ADH6: variants seen among roughly 807,000 people sequenced by gnomAD.
The protein encoded by ADH6 is alcohol dehydrogenase 6.
Under a neutral mutation model 36.5 loss-of-function variants are expected in ADH6, and 34 were observed. That is an observed-to-expected ratio of 0.93 (90% CI 0.71 to 1.24). The LOEUF (loss-of-function observed/expected upper bound fraction) is 1.24. Among genes scored for constraint, ADH6 ranks in the 50% most tolerant of loss-of-function variants. The pLI is 0.00. For synonymous variants in ADH6, 161 were observed against 155.5 expected, an observed-to-expected ratio of 1.04 and a Z score of -0.26; for missense variants, 440 against 447.0, an observed-to-expected ratio of 0.98 and a Z score of 0.14.
chr4:99,217,892 A>G (rs1731507118), intron 1 of ADH6, among the ~76,000 whole-genome samples: 1 of 152,112 alleles, frequency 6.6e-6, no homozygotes, highest in Admixed American at 6.6e-5. Context: ...GGAGCAACGA[A>G]TGGAGGCAAT....
At chr4:99,219,081 A>G in intron 1 of ADH6, 54 bp downstream of exon 1, 3 of 1,566,510 alleles carry the variant, frequency 1.9e-6, no homozygotes, top group Non-Finnish European at 2.6e-6. Context: ...TAAAGAGATG[A>G]GCACACAAAC....
chr4:99,216,278 C>A lies in ADH6; in HGVS notation c.19-16G>T. 1.3e-6 allele frequency: 2 copies of A among 1,510,448 alleles called. No individual in the cohort carries two copies. Among genetic ancestry groups the A allele is most frequent in the Non-Finnish European group, 8.9e-7 (1 of 1,119,948 alleles). 93.6% of individuals were successfully genotyped at this position (1,510,448 alleles called of 1,614,324 possible). On this transcript the variant is annotated splice_polypyrimidine_tract_variant and intron_variant, in intron 1 of 8. Coordinates refer to ENST00000394899, the MANE Select transcript of ADH6 (RefSeq NM_001102470.2). ...ATCTGATGACCTGGGAAATAGAATA[C>A]AGGGGCAGAAAGAGAAGCTCCTTAA...
At chr4:99,212,343 T>G (rs1349378909) in intron 3 of ADH6, among the ~76,000 whole-genome samples, 1 of 152,164 alleles carries the variant, frequency 6.6e-6, no homozygotes, top group Admixed American at 6.6e-5. Context: ...GTTTTTTCAT[T>G]GCATTTTAAA....
intron 3 of ADH6, among the ~76,000 whole-genome samples, chr4:99,210,949 A>G (rs1245885950): frequency 3.3e-5 from 5 of 152,174 alleles, no homozygotes; most frequent in Non-Finnish European, 7.4e-5. Flanking sequence ...TGTGTTTGAC[A>G]TCAACCCTTT....
At chr4:99,217,772 A>G (rs1289232392) in intron 1 of ADH6, among the ~76,000 whole-genome samples, 3 of 152,116 alleles carry the variant, frequency 2.0e-5, no homozygotes, top group Non-Finnish European at 4.4e-5. Context: ...TATTACTATG[A>G]ATAAAGTGGC....
chr4:99,219,048 C>G (rs1263740920), intron 1 of ADH6, 87 bp downstream of exon 1: 6 of 1,328,604 alleles, frequency 4.5e-6, no homozygotes, highest in Non-Finnish European at 5.4e-6. Context: ...AGCCCAGAGA[C>G]TAGCTGGGTG....
intron 7 of ADH6, among the ~76,000 whole-genome samples, chr4:99,206,882 A>C (rs1731055491): frequency 6.6e-6 from 1 of 152,182 alleles, no homozygotes; most frequent in Admixed American, 6.5e-5. Context: ...AAAGTCTATA[A>C]AAATGTTCCA....
In ADH6 at chr4:99,203,044, C is replaced by G; in HGVS notation, c.*1175G>C. ...GGGAGAGAGAGACTGAGGGTGCAGC[C>G]CACCTTCCTGGCCAGTGTTAAATCA... On this transcript the variant is annotated 3_prime_UTR_variant, in exon 9 of 9. Transcript: ENST00000394899. 1 of 380,418 alleles carries G rather than the reference C, an allele frequency of 2.6e-6. No individual in the cohort carries two copies. 23.6% of individuals were successfully genotyped at this position (380,418 alleles called of 1,614,324 possible).
chr4:99,211,055 C>T (rs1013130984), intron 3 of ADH6, among the ~76,000 whole-genome samples: 2 of 152,158 alleles, frequency 1.3e-5, no homozygotes, highest in Non-Finnish European at 2.9e-5. Context: ...ATGTATTTTA[C>T]TGGCTGCCCC....
At position 99,205,056 on chromosome 4, in the gene ADH6, C is replaced by T. The variant is rs778648432; in HGVS notation, c.972G>A (p.Lys324=). 1 of 1,571,486 alleles carries T rather than the reference C, an allele frequency of 6.4e-7. No homozygotes were observed. The highest frequency in any genetic ancestry group is 8.6e-7 in the Non-Finnish European group (1 of 1,161,108). Residue 324 remains lysine, a synonymous_variant, in exon 8 of 9, where the codon AAG becomes AAA. Coordinates refer to ENST00000394899, the MANE Select transcript of ADH6 (RefSeq NM_001102470.2). ...SLKGSVFGGW[K]SRQHIPKLVA... ...CCAGTTTAGGGATGTGCTGTCTGCTCTTCCAGCCTGGAAATACAGATTAAT... is the reference window on the plus strand; with the variant it reads ...CCAGTTTAGGGATGTGCTGTCTGCTTTTCCAGCCTGGAAATACAGATTAAT...
At chr4:99,207,194 A>G (rs974814650) in intron 7 of ADH6, among the ~76,000 whole-genome samples, 3 of 152,020 alleles carry the variant, frequency 2.0e-5, no homozygotes, top group Non-Finnish European at 4.4e-5. Context: ...TTTGCTTTAA[A>G]TGTTGGACAC....
intron 7 of ADH6, among the ~76,000 whole-genome samples, chr4:99,205,966 G>A (rs1330043987): frequency 2.0e-5 from 3 of 152,006 alleles, no homozygotes; most frequent in Admixed American, 2.0e-4. Flanking sequence ...GTTTGTTTCT[G>A]TTATGTGTAA....
At chr4:99,207,789 T>G (rs1731088766) in intron 6 of ADH6, among the ~76,000 whole-genome samples, 1 of 152,030 alleles carries the variant, frequency 6.6e-6, no homozygotes, top group African/African-American at 2.4e-5. Flanking sequence ...ACCTGGCACT[T>G]TAGGACTCAA....
chr4:99,205,000 A>G lies in ADH6; in HGVS notation c.1028T>C (p.Leu343Pro), dbSNP rs767661130. 3 of 1,609,842 alleles carry G rather than the reference A, an allele frequency of 1.9e-6. No individual in the cohort carries two copies. Among genetic ancestry groups the G allele is most frequent in the Non-Finnish European group, 2.5e-6 (3 of 1,178,020 alleles). ...VADYMAEKLN[L>P]DPLITHTLNL... The stretch of plus-strand genomic sequence containing the variant: ...CAGAGTATGAGTAATTAGTGGATCT[A>G]GATTCAACTTCTCTGCCATATAATC... Residue 343 changes from leucine (L) to proline (P), a missense_variant, in exon 8 of 9, where the codon CTA (leucine) becomes CCA (proline). By Grantham distance (98) the Leu-to-Pro change is moderately conservative. Transcript: ENST00000394899.
In ADH6 at chr4:99,202,841, C is replaced by T. The variant is rs1730903556; in HGVS notation, c.*1378G>A. The T allele has an allele frequency of 2.5e-6, 1 of 397,726 alleles. No homozygotes were observed. The highest frequency in any genetic ancestry group is 1.3e-4 in the South Asian group (1 of 7,858). The allele number at this position is 397,726 out of a possible 1,614,324, so 24.6% of individuals were successfully genotyped here. On this transcript the variant is annotated 3_prime_UTR_variant, in exon 9 of 9. Transcript: ENST00000394899. ...AGCAGAGCAGAGTTGGGCATGGAGG[C>T]TCCAGCTCAGACTTGGGAAGATGGA...
chr4:99,207,108 A>T (rs963175962), intron 7 of ADH6, among the ~76,000 whole-genome samples: 1 of 152,160 alleles, frequency 6.6e-6, no homozygotes, highest in Admixed American at 6.6e-5. Flanking sequence ...TTCTCCAAAG[A>T]ATCCCAGCTG....
At position 99,203,928 on chromosome 4, in the gene ADH6, G is replaced by C; in HGVS notation, c.*291C>G. 1 of 355,732 alleles carries C rather than the reference G, an allele frequency of 2.8e-6. No homozygotes were observed. The highest frequency in any genetic ancestry group is 5.0e-6 in the Non-Finnish European group (1 of 198,942). The allele number at this position is 355,732 out of a possible 1,614,324, so 22.0% of individuals were successfully genotyped here. A position where few individuals can be genotyped will look rare whatever the true frequency, so the allele number is the denominator to read the frequency against. On this transcript the variant is annotated 3_prime_UTR_variant, in exon 9 of 9. Transcript: ENST00000394899. ...ACAGGTAGAGGAACTATGAAAATGG[G>C]AGCATCTTGCATTGACCTTTTATGT... is the stretch of plus-strand genomic sequence containing the variant.
At chr4:99,204,803 G>A (rs1730960083) in intron 8 of ADH6, 122 bp downstream of exon 8, 1 of 1,356,312 alleles carries the variant, frequency 7.4e-7, no homozygotes, top group Non-Finnish European at 9.5e-7. Context: ...ATTCCTGAAA[G>A]CCTCTTCAAT....
chr4:99,213,631 T>A lies in ADH6; in HGVS notation c.237A>T (p.Gly79=). 6.2e-7 allele frequency: 1 copy of A among 1,612,966 alleles called. No homozygotes were observed. The highest frequency in any genetic ancestry group is 8.5e-7 in the Non-Finnish European group (1 of 1,179,620). The part of the protein sequence containing the change: ...HEGAGIVESI[G]EGVSTVKPGD... ...CTGGTTTCACTGTGCTTACTCCTTCTCCAATACTCTCAACGATTCCAGCCC... is the reference window on the plus strand; with the variant it reads ...CTGGTTTCACTGTGCTTACTCCTTCACCAATACTCTCAACGATTCCAGCCC... The change falls in exon 3 of 9, where the codon GGA becomes GGT. Residue 79 remains glycine, a synonymous_variant. Coordinates refer to ENST00000394899, the MANE Select transcript of ADH6 (RefSeq NM_001102470.2).
Sources: allele counts gnomAD v4.1 joint callset (sites outside exome capture counted in the v4.1 genomes callset), GRCh38; gene constraint gnomAD v4.1.1; transcripts MANE v1.5; gene names NCBI Gene and HGNC (gene_info 2026-07-23, HGNC 2026-07-21).